The following ALG12 variants were observed in gnomAD, a reference collection of about 807,000 sequenced individuals.
ALG12 encodes dol-P-Man:Man(7)GlcNAc(2)-PP-Dol alpha-1,6-mannosyltransferase.
Under a neutral mutation model 46.0 loss-of-function variants are expected in ALG12, and 36 were observed. The observed-to-expected ratio is 0.78, with a 90% confidence interval of 0.60 to 1.03. The LOEUF (loss-of-function observed/expected upper bound fraction) is 1.03. Ranked by LOEUF, ALG12 falls within the 50% of genes least tolerant of loss-of-function variation. The probability of loss-of-function intolerance (pLI) is 0.00; values close to 1 mark genes in which losing one functional copy is unlikely to be tolerated. For missense variants in ALG12, 599 were observed against 633.5 expected (o/e 0.95, Z 0.58); for synonymous variants, 326 against 291.6 (o/e 1.12, Z -1.20).
chr22:49,904,549 CAAT>C, intron 7 of ALG12, 43 bp from the exon 8 acceptor site: 1 of 1,608,350 alleles, frequency 6.2e-7, no homozygotes, highest in East Asian at 2.2e-5. Context: ...AACGTAATGA[CAAT>C]AAAATTAATC....
At chr22:49,883,553 G>A in the ALG12 span, 9 of 1,383,704 alleles carry the variant, frequency 6.5e-6, no homozygotes, top group African/African-American at 1.2e-4. Flanking sequence ...CATCCTGAAA[G>A]ATGGAATTAT....
the ALG12 span, among the ~76,000 whole-genome samples, chr22:49,877,348 G>C: frequency 1.3e-5 from 2 of 151,896 alleles, no homozygotes; most frequent in Admixed American, 6.6e-5. Context: ...CTGGAGTGCA[G>C]TGGTGCGATC....
Position 49,917,705 on chromosome 22 carries a change from C to CTTTTTTTTTTT in ALG12, c.-79+547_-79+557dup, listed in dbSNP as rs111244256. Among the ~76,000 whole-genome samples the CTTTTTTTTTTT allele has an allele frequency of 9.2e-3, 1,317 of 143,236 alleles. 15 individuals are homozygous for CTTTTTTTTTTT. Among genetic ancestry groups the CTTTTTTTTTTT allele is most frequent in the African/African-American group, 0.03 (1,131 of 38,162 alleles). The allele number at this position is 143,236 out of a possible 152,430, so 94.0% of individuals were successfully genotyped here. A position where few individuals can be genotyped will look rare whatever the true frequency, so the allele number is the denominator to read the frequency against. On this transcript the variant is annotated intron_variant, in intron 1 of 9. Coordinates refer to ENST00000330817, the MANE Select transcript of ALG12 (RefSeq NM_024105.4). Reference sequence around the variant, plus strand: ...AAGAAACTGGTCAAATCAGATGTTACTTTTTTTTTTTTTAAATGTGCAGTG... The same window carrying CTTTTTTTTTTT: ...AAGAAACTGGTCAAATCAGATGTTACTTTTTTTTTTTTTTTTTTTTTTTTAAATGTGCAGTG...
chr22:49,884,934 G>T, the ALG12 span: 1 of 1,607,532 alleles, frequency 6.2e-7, no homozygotes, highest in Non-Finnish European at 8.5e-7. Context: ...GGGAGGCCTC[G>T]GCGTCCTCTC....
At chr22:49,862,296 C>T in the ALG12 span, among the ~76,000 whole-genome samples, 1 of 152,184 alleles carries the variant, frequency 6.6e-6, no homozygotes, top group Admixed American at 6.5e-5. Flanking sequence ...TTTTGTGCGG[C>T]GGAGGCCTTA....
chr22:49,899,039 C>T (rs564685872), downstream of ALG12, among the ~76,000 whole-genome samples: 15 of 152,284 alleles, frequency 9.9e-5, no homozygotes, highest in African/African-American at 3.6e-4. Context: ...CCTGCGATTC[C>T]AGCACTTTGG....
At chr22:49,887,466 G>T in the ALG12 span, 1 of 296,162 alleles carries the variant, frequency 3.4e-6, no homozygotes, top group Non-Finnish European at 6.7e-6. Context: ...TAAAGTTTTG[G>T]GTTAGTAATT....
At chr22:49,884,100 C>T in the ALG12 span, 1 of 1,612,926 alleles carries the variant, frequency 6.2e-7, no homozygotes. Context: ...TCAGCAGAGG[C>T]AAAAACGAGA....
At chr22:49,897,994 A>C (rs532285996), downstream of ALG12, among the ~76,000 whole-genome samples, 1 of 151,522 alleles carries the variant, frequency 6.6e-6, no homozygotes, top group African/African-American at 2.4e-5. Context: ...GAGTTTTAAG[A>C]GTTCTTTGTA....
At chr22:49,915,722 G>T (rs1206305536) in intron 1 of ALG12, among the ~76,000 whole-genome samples, 1 of 152,148 alleles carries the variant, frequency 6.6e-6, no homozygotes, top group African/African-American at 2.4e-5. Flanking sequence ...GGTTTTTGAT[G>T]CTGGATGATT....
At position 49,909,987 on chromosome 22, in the gene ALG12, G is replaced by A; in HGVS notation, c.571C>T (p.Leu191=). The A allele has an allele frequency of 1.9e-6, 3 of 1,614,014 alleles. No homozygotes were observed. Among genetic ancestry groups the A allele is most frequent in the Admixed American group, 1.7e-5 (1 of 60,028 alleles). ...IVFRVELCLF[L]GLLLLLALGN... The stretch of plus-strand genomic sequence containing the variant: ...AAGGCCAGCAGCAGCAGGAGGCCCA[G>A]GAACAGGCACAGCTCCACCCTGAAC... The change falls in exon 5 of 10, where the codon CTG becomes TTG. Residue 191 remains leucine, a synonymous_variant. Coordinates refer to ENST00000330817, the MANE Select transcript of ALG12 (RefSeq NM_024105.4).
At chr22:49,886,225 A>G in the ALG12 span, 1 of 881,886 alleles carries the variant, frequency 1.1e-6, no homozygotes, top group Non-Finnish European at 1.8e-6. This position sits in a 1 kb window ranked among gnomAD's most constrained non-coding sequence, Gnocchi z 7.7. Context: ...CCTCGCCCGG[A>G]AGATCTGCGA....
the ALG12 span, among the ~76,000 whole-genome samples, chr22:49,882,921 C>T: frequency 9.4e-4 from 143 of 152,292 alleles, no homozygotes; most frequent in Admixed American, 4.8e-3. Context: ...TTTTCAAATT[C>T]GTATTTCATG....
chr22:49,898,433 C>A (rs8140681), downstream of ALG12, among the ~76,000 whole-genome samples: 53,917 of 151,112 alleles, frequency 0.36, 13,743 homozygotes, highest in African/African-American at 0.73. Context: ...CTTGTCGCCC[C>A]GGCTGGAGTG....
Position 49,907,927 on chromosome 22 carries a change from C to T in ALG12, c.786G>A (p.Trp262Ter), listed in dbSNP as rs2060552846. ...CGCGGGGCAGGGCTGAGTAGAAGTA[C>T]CACAGCAGCGGGGAGGTCTGCGGGC... Reference protein sequence around the residue: ...SSNWGTSPLLWYFYSALPRGL... With the variant: ...SSNWGTSPLL The change falls in exon 7 of 10, where the codon TGG becomes TGA. Residue 262 changes from tryptophan (W) to a stop codon, truncating the protein, a stop_gained. Transcript: ENST00000330817. LOFTEE classifies it high-confidence loss of function. The T allele has an allele frequency of 6.2e-6, 10 of 1,612,836 alleles. No individual in the cohort carries two copies. Among genetic ancestry groups the T allele is most frequent in the Admixed American group, 1.7e-5 (1 of 60,002 alleles).
At chr22:49,895,670 AAAGT>A (rs2060480961), downstream of ALG12, among the ~76,000 whole-genome samples, 5 of 152,090 alleles carry the variant, frequency 3.3e-5, no homozygotes, top group South Asian at 1.0e-3. Context: ...AAAAAAAAAA[AAAGT>A]GGTGCTGTAA....
rs141223868 is a variant in ALG12, at chr22:49,913,422, C to T, written c.258G>A (p.Ser86=). The change falls in exon 3 of 10, where the codon TCG becomes TCA. Residue 86 remains serine (S), a synonymous_variant. Coordinates refer to ENST00000330817, the MANE Select transcript of ALG12 (RefSeq NM_024105.4). ...AGTAAAACTTGGACATTTCTAACAG[C>T]GAAAGCACGTAAACCGCGGGGCTGG... is the stretch of plus-strand genomic sequence containing the variant. ...VFSSPAVYVL[S]LLEMSKFYSQ... 5.6e-6 allele frequency: 9 copies of T among 1,613,874 alleles called. No individual in the cohort carries two copies. Among genetic ancestry groups the T allele is most frequent in the African/African-American group, 2.7e-5 (2 of 74,958 alleles).
rs373506247 is a variant in ALG12, at chr22:49,909,362, T to G, written c.665-15A>C. 3 of 1,613,298 alleles carry G rather than the reference T, an allele frequency of 1.9e-6. No homozygotes were observed. Among genetic ancestry groups the G allele is most frequent in the South Asian group, 2.2e-5 (2 of 91,068 alleles). On this transcript the variant is annotated splice_polypyrimidine_tract_variant and intron_variant, in intron 5 of 9. Coordinates refer to ENST00000330817, the MANE Select transcript of ALG12 (RefSeq NM_024105.4). ...AACCGTCAGTCCTGACAAAATAAAA[T>G]AGAGTTTCTTAGTCGCAAACACAGC...
the ALG12 span, among the ~76,000 whole-genome samples, chr22:49,873,322 G>A: frequency 4.6e-5 from 7 of 152,124 alleles, no homozygotes; most frequent in Non-Finnish European, 8.8e-5. Context: ...CTAATTTCTC[G>A]TGTGTCTCAG....
Sources: gnomAD v4.1 joint callset for allele counts (sites outside exome capture counted in the v4.1 genomes callset) on GRCh38, gnomAD v4.1.1 for gene constraint, Gnocchi (gnomAD v3.1) non-coding constraint, MANE v1.5 for transcripts, NCBI Gene and HGNC (gene_info 2026-07-23, HGNC 2026-07-21) for gene names.